GRIA3: variants seen among roughly 807,000 people sequenced by gnomAD.
GRIA3 encodes the protein glutamate receptor 3.
In GRIA3, 3 loss-of-function variants were observed where a neutral mutation model predicts 63.0. That is an observed-to-expected ratio of 0.05 (90% CI 0.02 to 0.12). The LOEUF (loss-of-function observed/expected upper bound fraction) is 0.12. Ranked by LOEUF, GRIA3 falls within the 10% of genes least tolerant of loss-of-function variation. The pLI, the probability that GRIA3 is intolerant of heterozygous loss-of-function variation, is 1.00. For missense variants in GRIA3, 347 were observed against 700.9 expected (o/e 0.50, Z 5.70); for synonymous variants, 274 against 257.9 (o/e 1.06, Z -0.60).
At chrX:123,345,495 C>CACACACACACACACA (rs2045042232) in intron 4 of GRIA3, among the ~76,000 whole-genome samples, 1 of 105,073 alleles carries the variant, frequency 9.5e-6, no homozygotes, top group Non-Finnish European at 2.0e-5. Context: ...CACACACACA[C>CACACACACACACACA]CTCCTTCCCA....
intron 3 of GRIA3, among the ~76,000 whole-genome samples, chrX:123,300,566 T>C (rs894584498): frequency 2.8e-5 from 3 of 109,049 alleles, no homozygotes; most frequent in African/African-American, 1.0e-4. Context: ...GTCTATCTAT[T>C]TTATTAATTT....
chrX:123,324,977 T>A (rs1222704782), intron 3 of GRIA3, among the ~76,000 whole-genome samples: 2 of 112,302 alleles, frequency 1.8e-5, no homozygotes, highest in African/African-American at 6.5e-5. Context: ...ATGGCATGGA[T>A]CATTTTGGCT....
intron 2 of GRIA3, among the ~76,000 whole-genome samples, chrX:123,214,383 C>G (rs1421764493): frequency 9.1e-6 from 1 of 110,306 alleles, no homozygotes; most frequent in Non-Finnish European, 1.9e-5. Flanking sequence ...CTCAGCAACC[C>G]TCTCTTAGCC....
intron 2 of GRIA3, among the ~76,000 whole-genome samples, chrX:123,220,956 T>C (rs1292956934): frequency 8.9e-6 from 1 of 112,516 alleles, no homozygotes; most frequent in African/African-American, 3.2e-5. Context: ...CTCATAGTTT[T>C]GTTGATCCTG....
At chrX:123,274,384 G>A (rs1351959821) in intron 3 of GRIA3, among the ~76,000 whole-genome samples, 2 of 111,726 alleles carry the variant, frequency 1.8e-5, no homozygotes, top group Admixed American at 9.5e-5. Flanking sequence ...AACACTGGTG[G>A]AGGGGTGAGG....
At chrX:123,384,892 A>C (rs2045346033) in intron 5 of GRIA3, among the ~76,000 whole-genome samples, 1 of 111,947 alleles carries the variant, frequency 8.9e-6, no homozygotes, top group South Asian at 3.7e-4. Flanking sequence ...TAGATGCTGG[A>C]TATTAGACCT....
intron 3 of GRIA3, among the ~76,000 whole-genome samples, chrX:123,321,639 C>A (rs975983036): frequency 2.7e-5 from 3 of 112,295 alleles, no homozygotes; most frequent in Middle Eastern, 4.6e-3. Flanking sequence ...AAATCCTGGC[C>A]TTCTTTCCCC....
chrX:123,205,112 C>T (rs1404034112), intron 2 of GRIA3, among the ~76,000 whole-genome samples: 1 of 111,551 alleles, frequency 9.0e-6, no homozygotes, highest in Non-Finnish European at 1.9e-5. Flanking sequence ...TAAGGTAGGT[C>T]AGGCTGATAG....
intron 1 of GRIA3, 44 bp from the exon 2 acceptor site, chrX:123,185,788 G>C: frequency 1.7e-6 from 2 of 1,160,341 alleles, no homozygotes; most frequent in Non-Finnish European, 2.4e-6. Context: ...ACTGGCCCTA[G>C]TGTGGGGGAA....
At chrX:123,207,533 G>A (rs372183866) in intron 2 of GRIA3, among the ~76,000 whole-genome samples, 2 of 111,589 alleles carry the variant, frequency 1.8e-5, no homozygotes, top group East Asian at 5.7e-4. Flanking sequence ...GTGCTGAAAG[G>A]GCCACGAAAT....
At chrX:123,216,732 T>C (rs1928168084) in intron 2 of GRIA3, among the ~76,000 whole-genome samples, 1 of 112,226 alleles carries the variant, frequency 8.9e-6, no homozygotes, top group Non-Finnish European at 1.9e-5. Context: ...AGATATTGTT[T>C]CTAAACAGGA....
chrX:123,283,243 C>G (rs1262344301), intron 3 of GRIA3, among the ~76,000 whole-genome samples: 1 of 111,993 alleles, frequency 8.9e-6, no homozygotes. Context: ...ACAGTCTTCA[C>G]AATCCATACA....
At chrX:123,439,174 T>C (rs2147409197) in intron 12 of GRIA3, among the ~76,000 whole-genome samples, 1 of 112,383 alleles carries the variant, frequency 8.9e-6, no homozygotes, top group South Asian at 3.7e-4. Flanking sequence ...GTTGCAACTC[T>C]GGTGCCTCAG....
intron 2 of GRIA3, among the ~76,000 whole-genome samples, chrX:123,235,051 G>C (rs2044295195): frequency 8.9e-6 from 1 of 112,010 alleles, no homozygotes. Context: ...AAAGGCAAAA[G>C]TAATAAAATC....
At chrX:123,262,490 G>A (rs1207790204) in intron 3 of GRIA3, among the ~76,000 whole-genome samples, 2 of 111,588 alleles carry the variant, frequency 1.8e-5, no homozygotes, top group African/African-American at 3.3e-5. Flanking sequence ...CAAGGAAGCA[G>A]CAGGCCAAAT....
chrX:123,259,339 A>G (rs561610077), intron 3 of GRIA3, among the ~76,000 whole-genome samples: 1 of 111,630 alleles, frequency 9.0e-6, no homozygotes, highest in Non-Finnish European at 1.9e-5. Flanking sequence ...ACCTACTTAC[A>G]TAGCCTAGCC....
At chrX:123,358,463 G>C (rs191045775) in intron 5 of GRIA3, 12 of 111,883 alleles carry the variant, frequency 1.1e-4, no homozygotes, top group African/African-American at 3.9e-4. Flanking sequence ...CTTTAACGAA[G>C]ACCTCTCAGA....
rs142182971 is a variant in GRIA3 at position 123,331,319 on chromosome X, G to T, written c.696+5106G>T. Among the ~76,000 whole-genome samples, 668 of 111,892 alleles carry T rather than the reference G, an allele frequency of 6.0e-3. 5 individuals are homozygous for T. The highest frequency in any genetic ancestry group is 0.021 in the African/African-American group (634 of 30,858). On this transcript the variant is annotated intron_variant, in intron 4 of 15. Coordinates refer to ENST00000620443, the MANE Select transcript of GRIA3 (RefSeq NM_007325.5). ...AGGTAGATTTCATTTCAGAAACCCC[G>T]GCTGTCACTTTGAATTTGGTAGTTT...
In GRIA3 at chrX:123,472,575, T is replaced by C. The variant is rs772286119; in HGVS notation, c.2324+7463T>C. Among the ~76,000 whole-genome samples the C allele has an allele frequency of 7.2e-5, 8 of 111,832 alleles. No homozygotes were observed. The South Asian group carries it at 2.7e-3, about 37-fold the overall frequency. On this transcript the variant is annotated intron_variant, in intron 13 of 15. Coordinates refer to ENST00000620443, the MANE Select transcript of GRIA3 (RefSeq NM_007325.5). ...CTGAGCCCCTTCTCTCTGTCAGGGA[T>C]AAATTGAGTAAGAGGTCTTCCCAGA...
Sources: allele counts gnomAD v4.1 joint callset (sites outside exome capture counted in the v4.1 genomes callset), GRCh38; gene constraint gnomAD v4.1.1; transcripts MANE v1.5; gene names NCBI Gene and HGNC (gene_info 2026-07-23, HGNC 2026-07-21).